CELF4: variants seen among roughly 807,000 people sequenced by gnomAD.
CELF4 encodes CUGBP Elav-like family member 4.
CELF4 carries 18 observed loss-of-function variants against 59.9 expected under a neutral mutation model. The observed-to-expected ratio is 0.30, with a 90% CI of 0.21 to 0.45. CELF4 has a LOEUF of 0.45. Among genes scored for constraint, CELF4 ranks in the 20% least tolerant of loss-of-function variants. The pLI, the probability that CELF4 is intolerant of heterozygous loss-of-function variation, is 1.00. For missense variants in CELF4, 456 were observed against 689.0 expected, an observed-to-expected ratio of 0.66 and a Z score of 3.79; for synonymous variants, 261 against 267.1, an observed-to-expected ratio of 0.98 and a Z score of 0.22.
chr18:37,331,949 CCT>C (rs1317982247), intron 2 of CELF4, among the ~76,000 whole-genome samples: 4 of 152,016 alleles, frequency 2.6e-5, no homozygotes, highest in Admixed American at 1.3e-4. Context: ...AGCGGGAGCC[CCT>C]GTTAGTTTGC....
intron 2 of CELF4, among the ~76,000 whole-genome samples, chr18:37,322,313 C>T (rs925579277): frequency 6.6e-6 from 1 of 152,236 alleles, no homozygotes; most frequent in Non-Finnish European, 1.5e-5. Flanking sequence ...TGCAGATGGA[C>T]CCCACCCAGG....
At chr18:37,488,723 A>C (rs1318881234) in intron 1 of CELF4, among the ~76,000 whole-genome samples, 1 of 152,170 alleles carries the variant, frequency 6.6e-6, no homozygotes, top group Admixed American at 6.5e-5. Flanking sequence ...TCCACCATCC[A>C]GCCTGCACCC....
chr18:37,472,289 C>T (rs138599159), intron 2 of CELF4, among the ~76,000 whole-genome samples: 285 of 152,276 alleles, frequency 1.9e-3, no homozygotes, highest in African/African-American at 6.7e-3. Flanking sequence ...TTCCATTCAG[C>T]GTGGTAGGGT....
chr18:37,498,333 C>T (rs1347042514), intron 1 of CELF4, among the ~76,000 whole-genome samples: 1 of 121,208 alleles, frequency 8.3e-6, no homozygotes, highest in South Asian at 2.9e-4. Context: ...CTCCTTCCCT[C>T]TTCTTCCCTT....
intron 1 of CELF4, among the ~76,000 whole-genome samples, chr18:37,541,121 C>T (rs1215550992): frequency 1.3e-5 from 2 of 152,082 alleles, no homozygotes; most frequent in Non-Finnish European, 2.9e-5. Flanking sequence ...ACTTTAAATA[C>T]CATGACATAT....
At chr18:37,512,681 C>A (rs1287805112) in intron 1 of CELF4, among the ~76,000 whole-genome samples, 1 of 151,066 alleles carries the variant, frequency 6.6e-6, no homozygotes, top group Admixed American at 6.6e-5. Flanking sequence ...CCTCTTCTTT[C>A]TTCTGTTCTT....
At chr18:37,273,454 CT>C in intron 6 of CELF4, 6 of 1,125,164 alleles carry the variant, frequency 5.3e-6, no homozygotes, top group South Asian at 7.3e-5. Context: ...CTAGTCAGCC[CT>C]GTGTACAGCC....
chr18:37,537,488 C>T (rs1220089171), intron 1 of CELF4, among the ~76,000 whole-genome samples: 1 of 152,136 alleles, frequency 6.6e-6, no homozygotes, highest in Non-Finnish European at 1.5e-5. Context: ...GGCAGGGAGG[C>T]CAGTTCCCGG....
intron 3 of CELF4, among the ~76,000 whole-genome samples, chr18:37,287,734 A>G (rs1052328479): frequency 6.6e-6 from 1 of 152,230 alleles, no homozygotes; most frequent in African/African-American, 2.4e-5. Flanking sequence ...TACACGGTGT[A>G]TTAACTCATG....
intron 2 of CELF4, among the ~76,000 whole-genome samples, chr18:37,354,384 G>A (rs187536000): frequency 7.5e-4 from 114 of 152,188 alleles, no homozygotes; most frequent in African/African-American, 2.5e-3. Context: ...CTGATTGTGG[G>A]GACTGGTGGG....
chr18:37,273,135 G>A lies in CELF4; in HGVS notation c.830C>T (p.Ala277Val). Residue 277 changes from alanine to valine, a missense_variant, in exon 7 of 13, where the codon GCA becomes GTA. Ala to Val is a moderately conservative substitution (Grantham distance 64, BLOSUM62 0). Coordinates refer to ENST00000420428, the MANE Select transcript of CELF4 (RefSeq NM_020180.4). ...ALMQQQAALM[A>V]SVAQGGYLNP... is the part of the protein sequence containing the mutation. The stretch of plus-strand genomic sequence containing the variant: ...CAGGTAGCCGCCCTGCGCGACTGAT[G>A]CCATCAGGGCCGCTTGCTGCTGCAT... 1.2e-6 allele frequency: 2 copies of A among 1,611,510 alleles called. No individual in the cohort carries two copies. The highest frequency in any genetic ancestry group is 1.7e-6 in the Non-Finnish European group (2 of 1,178,028).
intron 2 of CELF4, among the ~76,000 whole-genome samples, chr18:37,352,932 C>T (rs1315826515): frequency 6.6e-6 from 1 of 152,044 alleles, no homozygotes; most frequent in South Asian, 2.1e-4. Flanking sequence ...GAACAAGAAC[C>T]CTTTCTTGGC....
chr18:37,261,730 C>T (rs1008582873), intron 10 of CELF4, among the ~76,000 whole-genome samples: 5 of 152,204 alleles, frequency 3.3e-5, no homozygotes, highest in Admixed American at 6.5e-5. Flanking sequence ...CTGGCAGAGC[C>T]GCTGCGGCAG....
Position 37,359,100 on chromosome 18 carries a change from A to C in CELF4, c.370-37219T>G, listed in dbSNP as rs546161436. ...GCGACACAGCAAGACTGTCTCCAAA[A>C]AAAACAAAACAAAACAAAACAAAAC... On this transcript the variant is annotated intron_variant, in intron 2 of 12. Coordinates refer to ENST00000420428, the MANE Select transcript of CELF4 (RefSeq NM_020180.4). Among the ~76,000 whole-genome samples, 501 of 150,876 alleles carry C rather than the reference A, an allele frequency of 3.3e-3. 4 individuals are homozygous for C. Among genetic ancestry groups the C allele is most frequent in the African/African-American group, 0.011 (453 of 41,282 alleles).
In CELF4 at chr18:37,302,654, C is replaced by T. The variant is rs1397355135; in HGVS notation, c.448+19149G>A. Among the ~76,000 whole-genome samples, 19 of 152,124 alleles carry T rather than the reference C, an allele frequency of 1.2e-4. 1 individual carries two copies. On this transcript the variant is annotated intron_variant, in intron 3 of 12. Transcript: ENST00000420428. ...GAGGATTGACGCCTCCCCAGGCTTC[C>T]AGGTGGGAGGCACAGCAGAGTTTCC... is the stretch of plus-strand genomic sequence containing the variant.
chr18:37,250,550 G>A (rs2064868972), intron 12 of CELF4, among the ~76,000 whole-genome samples: 1 of 152,122 alleles, frequency 6.6e-6, no homozygotes, highest in Non-Finnish European at 1.5e-5. Context: ...CTGGTCCCTC[G>A]GCCCCTGCTC....
chr18:37,461,602 C>T (rs759302478), intron 2 of CELF4, among the ~76,000 whole-genome samples: 5 of 152,180 alleles, frequency 3.3e-5, no homozygotes, highest in Non-Finnish European at 7.3e-5. Flanking sequence ...GACACAAAGC[C>T]TAACCATATC....
intron 2 of CELF4, among the ~76,000 whole-genome samples, chr18:37,368,020 G>A (rs935096914): frequency 3.9e-5 from 6 of 151,986 alleles, no homozygotes; most frequent in Non-Finnish European, 7.4e-5. Context: ...GAGGTGGGAG[G>A]GGAACCAGCC....
Position 37,430,061 on chromosome 18 carries a change from G to A in CELF4, c.369+55464C>T, listed in dbSNP as rs369960007. On this transcript the variant is annotated intron_variant, in intron 2 of 12. Coordinates refer to ENST00000420428, the MANE Select transcript of CELF4 (RefSeq NM_020180.4). ...CAGCATCTTTCCCTAGGAACAGTGCGGCTCTCACTGCCCACTTCTCTCTTG... is the reference window on the plus strand; with the variant it reads ...CAGCATCTTTCCCTAGGAACAGTGCAGCTCTCACTGCCCACTTCTCTCTTG... Among the ~76,000 whole-genome samples the A allele has an allele frequency of 2.0e-5, 3 of 152,172 alleles. No homozygotes were observed. The East Asian group carries it at 5.8e-4, about 29-fold the overall frequency.
Sources: gnomAD v4.1 joint callset for allele counts (sites outside exome capture counted in the v4.1 genomes callset) on GRCh38, gnomAD v4.1.1 for gene constraint, MANE v1.5 for transcripts, NCBI Gene and HGNC (gene_info 2026-07-23, HGNC 2026-07-21) for gene names.